CACNA1C: variants seen among roughly 807,000 people sequenced by gnomAD.
The protein encoded by CACNA1C is calcium voltage-gated channel subunit alpha1 C, also known as voltage-dependent L-type calcium channel subunit alpha-1C.
A neutral mutation model predicts 229.0 loss-of-function variants in CACNA1C; 30 were observed. The observed-to-expected ratio is 0.13, with a 90% CI of 0.10 to 0.18. The LOEUF is 0.18. Among genes scored for constraint, CACNA1C ranks in the 10% least tolerant of loss-of-function variants. CACNA1C has a pLI of 1.00. For synonymous variants in CACNA1C, 1,114 were observed against 1,132.5 expected (o/e 0.98, Z 0.33); for missense variants, 1,658 against 2,845.0 (o/e 0.58, Z 9.49).
At chr12:1,970,933 T>A (rs868083711) in exon 1 of CACNA1C, 1 of 407,258 alleles carries the variant, frequency 2.5e-6, no homozygotes, top group Middle Eastern at 4.1e-4. Context: ...TACGGCCATG[T>A]CAACTTTTGT....
intron 5 of CACNA1C, among the ~76,000 whole-genome samples, chr12:2,474,368 T>C (rs1360655670): frequency 3.9e-5 from 6 of 152,178 alleles, no homozygotes; most frequent in Admixed American, 3.9e-4. Context: ...CTCTAGAATA[T>C]ATCCTTGTAT....
chr12:2,581,162 T>G (rs1056291126), intron 13 of CACNA1C, among the ~76,000 whole-genome samples: 3 of 152,300 alleles, frequency 2.0e-5, no homozygotes, highest in Admixed American at 6.5e-5. Flanking sequence ...CCAACCTTTA[T>G]CAACTATGTG....
At chr12:2,627,666 G>C (rs1247078551) in intron 29 of CACNA1C, among the ~76,000 whole-genome samples, 2 of 152,112 alleles carry the variant, frequency 1.3e-5, no homozygotes, top group African/African-American at 2.4e-5. Context: ...GTCCGGTGAA[G>C]CCATCTGTTG....
At chr12:2,272,817 C>A (rs2085712166) in intron 3 of CACNA1C, among the ~76,000 whole-genome samples, 1 of 152,218 alleles carries the variant, frequency 6.6e-6, no homozygotes, top group Non-Finnish European at 1.5e-5. Context: ...TTACATTTAT[C>A]CGTTCTATTG....
Position 2,019,618 on chromosome 12 carries a change from AAAAGAAAG to A in CACNA1C, c.139+48425_139+48432del, listed in dbSNP as rs141358059. Among the ~76,000 whole-genome samples, 268 of 151,044 alleles carry A rather than the reference AAAAGAAAG, an allele frequency of 1.8e-3. 3 individuals are homozygous for A. The highest frequency in any genetic ancestry group is 6.1e-3 in the Admixed American group (92 of 15,184). On this transcript the variant is annotated intron_variant, in intron 1 of 46. Coordinates refer to the CACNA1C transcript ENST00000682462. ...AAGAGAAGGAAAGAAAGAAGAAAGA[AAAAGAAAG>A]AAAGAAAAAGAAAATCTAGATGGCT...
intron 11 of CACNA1C, among the ~76,000 whole-genome samples, chr12:2,564,784 T>C (rs758905069): frequency 9.8e-5 from 15 of 152,320 alleles, no homozygotes; most frequent in Non-Finnish European, 1.9e-4. Flanking sequence ...TCCATTAATA[T>C]AGCTATTGCC....
chr12:2,681,048 T>C (rs969640527), intron 42 of CACNA1C, among the ~76,000 whole-genome samples: 5 of 152,164 alleles, frequency 3.3e-5, no homozygotes, highest in Non-Finnish European at 5.9e-5. Flanking sequence ...TCCACGGCCT[T>C]TGAGGACCCA....
chr12:2,205,560 A>C (rs1188703710), intron 3 of CACNA1C, among the ~76,000 whole-genome samples: 1 of 152,214 alleles, frequency 6.6e-6, no homozygotes, highest in Non-Finnish European at 1.5e-5. Flanking sequence ...TGTCACCCCC[A>C]GTAGATGGTA....
intron 38 of CACNA1C, chr12:2,672,303 G>A (rs1029289873): frequency 3.9e-5 from 6 of 152,168 alleles, no homozygotes; most frequent in Admixed American, 6.5e-5. Flanking sequence ...AACAATTGTC[G>A]GTGAACTTCA....
chr12:2,193,046 C>T (rs1243998151), intron 3 of CACNA1C, among the ~76,000 whole-genome samples: 1 of 152,198 alleles, frequency 6.6e-6, no homozygotes, highest in African/African-American at 2.4e-5. Context: ...CAGGGTACAC[C>T]CAGGAGAAGC....
chr12:2,471,267 T>C (rs970702009), intron 5 of CACNA1C, among the ~76,000 whole-genome samples: 6 of 152,252 alleles, frequency 3.9e-5, no homozygotes, highest in African/African-American at 1.2e-4. Flanking sequence ...TCCTGTGTGA[T>C]TACTATATGT....
chr12:2,097,346 C>T (rs1354498984), intron 1 of CACNA1C, among the ~76,000 whole-genome samples: 6 of 149,862 alleles, frequency 4.0e-5, no homozygotes, highest in South Asian at 4.2e-4. Flanking sequence ...CGGGGTTTCA[C>T]CATGTTAGCC....
rs4765666 is a variant in CACNA1C, at chr12:2,192,423, G to T, written c.477+71993G>T. On this transcript the variant is annotated intron_variant, in intron 3 of 46. Transcript: ENST00000399655. The stretch of plus-strand genomic sequence containing the variant: ...AGCCTTCTTCTGCGCGTGGATTCCC[G>T]TGCCTGCGGACTCACAGCAGGCCGG... 6.6e-3 allele frequency among the ~76,000 whole-genome samples: 1,003 copies of T among 152,260 alleles called. 15 individuals are homozygous for T. The highest frequency in any genetic ancestry group is 0.026 in the Admixed American group (394 of 15,296).
chr12:2,144,741 G>A (rs2094560072), intron 3 of CACNA1C, among the ~76,000 whole-genome samples: 1 of 151,262 alleles, frequency 6.6e-6, no homozygotes, highest in Admixed American at 6.7e-5. Flanking sequence ...CTTAAATTAT[G>A]ATTGAAAAAA....
chr12:2,411,539 C>T (rs1047298318), intron 3 of CACNA1C, among the ~76,000 whole-genome samples: 2 of 152,148 alleles, frequency 1.3e-5, no homozygotes, highest in African/African-American at 2.4e-5. Flanking sequence ...GGAACAGAGC[C>T]CTTGCCTCTG....
chr12:2,452,785 C>T (rs7135609), intron 4 of CACNA1C, among the ~76,000 whole-genome samples: 72,921 of 152,112 alleles, frequency 0.48, 17,964 homozygotes, highest in East Asian at 0.73. Flanking sequence ...TTTTGTGAAC[C>T]TCTTTTACTC....
In CACNA1C at chr12:2,677,208, C is replaced by G; in HGVS notation, c.4943C>G (p.Ala1648Gly). ...GLVGKPSQRNALSLQAGLRTL... is the reference protein window; with the variant it reads ...GLVGKPSQRNGLSLQAGLRTL... ...GTGGGCAAGCCCTCCCAGAGGAACG[C>G]GCTGTCTCTGCAGGTGAGGGCCTGG... Residue 1648 changes from alanine to glycine, a missense_variant, in exon 40 of 47, where the codon GCG (alanine) becomes GGG (glycine). This residue lies in a region of CACNA1C where 590 missense variants were observed against 700.8 expected (regional missense o/e 0.84). Coordinates refer to ENST00000399655, the MANE Select transcript of CACNA1C (RefSeq NM_000719.7). This position sits in a 1 kb window ranked among gnomAD's most constrained non-coding sequence, Gnocchi z 7.4. 1 of 1,613,664 alleles carries G rather than the reference C, an allele frequency of 6.2e-7. No homozygotes were observed. The highest frequency in any genetic ancestry group is 8.5e-7 in the Non-Finnish European group (1 of 1,179,782).
At chr12:2,641,823 C>T (rs1438555292) in intron 30 of CACNA1C, 1 of 701,360 alleles carries the variant, frequency 1.4e-6, no homozygotes, top group African/African-American at 1.7e-5. Flanking sequence ...CTCCCCATCC[C>T]CCCACAAAGG....
At position 2,691,004 on chromosome 12, in the gene CACNA1C, G is replaced by C; in HGVS notation, c.6222G>C (p.Met2074Ile). 3 of 1,600,192 alleles carry C rather than the reference G, an allele frequency of 1.9e-6. No homozygotes were observed. The highest frequency in any genetic ancestry group is 2.6e-6 in the Non-Finnish European group (3 of 1,173,490). ...CCTGCGACATGACCATAGAGGAGAT[G>C]GAGAGCGCGGCCGACAACATCCTCA... ...ADACDMTIEE[M>I]ESAADNILSG... is the part of the protein sequence containing the mutation. Residue 2074 changes from methionine (M) to isoleucine (I), a missense_variant, in exon 47 of 47, where the codon ATG becomes ATC. By Grantham distance (10) the Met-to-Ile change is conservative. Coordinates refer to ENST00000399655, the MANE Select transcript of CACNA1C (RefSeq NM_000719.7).
Sources: allele counts gnomAD v4.1 joint callset (sites outside exome capture counted in the v4.1 genomes callset), GRCh38; gene constraint gnomAD v4.1.1; regional missense constraint gnomAD v4.1.1; non-coding constraint Gnocchi (gnomAD v3.1); transcripts MANE v1.5; gene names NCBI Gene and HGNC (gene_info 2026-07-23, HGNC 2026-07-21).